Variants in RNF7 observed in about 807,000 individuals in gnomAD.
The protein encoded by RNF7 is RING-box protein 2.
In RNF7, 9 loss-of-function variants were observed where a neutral mutation model predicts 17.0. That is an observed-to-expected ratio of 0.53 (90% CI 0.32 to 0.92). The LOEUF (loss-of-function observed/expected upper bound fraction) is 0.92, where lower values mean the gene tolerates loss of function less well. RNF7 is among the 40% of genes least tolerant of loss of function. The pLI, the probability that RNF7 is intolerant of heterozygous loss-of-function variation, is 0.04. For synonymous variants in RNF7, 59 were observed against 50.5 expected, an observed-to-expected ratio of 1.17 and a Z score of -0.72; for missense variants, 87 against 145.8, an observed-to-expected ratio of 0.60 and a Z score of 2.08.
intron 1 of RNF7, among the ~76,000 whole-genome samples, chr3:141,742,048 A>C (rs747534630): frequency 6.9e-4 from 105 of 151,860 alleles, no homozygotes; most frequent in Non-Finnish European, 1.2e-3. Context: ...TACATAGATA[A>C]ACTTGTGTCA....
At chr3:141,742,189 C>A (rs986469440) in intron 1 of RNF7, among the ~76,000 whole-genome samples, 1 of 150,762 alleles carries the variant, frequency 6.6e-6, no homozygotes, top group African/African-American at 2.4e-5. Flanking sequence ...GCTATGTGGC[C>A]ATGTGTTCTC....
At chr3:141,743,044 A>G in intron 1 of RNF7, 1 of 346,652 alleles carries the variant, frequency 2.9e-6, no homozygotes, top group Non-Finnish European at 4.2e-6. Context: ...TCTCCTTCCC[A>G]TTCCAAACCC....
chr3:141,742,248 A>T (rs568175930), intron 1 of RNF7, among the ~76,000 whole-genome samples: 130 of 124,872 alleles, frequency 1.0e-3, no homozygotes, highest in African/African-American at 4.0e-3. Context: ...TTTTTTTGAG[A>T]CGGAGTCTCG....
At position 141,747,543 on chromosome 3, in the gene RNF7, T is replaced by C. The variant is rs1348585408; in HGVS notation, c.*2266T>C. On this transcript the variant is annotated 3_prime_UTR_variant, in exon 3 of 3. Coordinates refer to ENST00000273480, the MANE Select transcript of RNF7 (RefSeq NM_014245.5). ...TGTCATGAAGTGAAATTCATAAATA[T>C]ATTTCCTACACATATAATTTAAATG... 8 of 152,228 alleles carry C rather than the reference T, an allele frequency of 5.3e-5. No individual in the cohort carries two copies. The highest frequency in any genetic ancestry group is 1.9e-4 in the African/African-American group (8 of 41,454). The allele number at this position is 152,228 out of a possible 1,614,324, so 9.4% of individuals were successfully genotyped here. A position where few individuals can be genotyped will look rare whatever the true frequency, so the allele number is the denominator to read the frequency against.
chr3:141,739,249 C>G (rs547076004), intron 1 of RNF7, among the ~76,000 whole-genome samples: 152 of 152,326 alleles, frequency 1.0e-3, no homozygotes, highest in Non-Finnish European at 1.9e-3. Context: ...CATCACACCC[C>G]CCTCTCCATA....
chr3:141,738,514 TG>T lies in RNF7; in HGVS notation c.175+1del, dbSNP rs771254020. On this transcript the variant is annotated frameshift_variant and splice_region_variant, in exon 1 of 3. Transcript: ENST00000273480. LOFTEE classifies it high-confidence loss of function. ...DTCAICRVQV[M>X]DACLRCQAEN... ...TGCGCCATCTGCAGGGTCCAGGTGA[TG>T]GGTAAGCGCTGCACGCGAGTCCAGG... The T allele has an allele frequency of 6.2e-7, 1 of 1,612,240 alleles. No homozygotes were observed. Among genetic ancestry groups the T allele is most frequent in the South Asian group, 1.1e-5 (1 of 90,858 alleles).
At position 141,747,356 on chromosome 3, in the gene RNF7, T is replaced by G. The variant is rs771254398; in HGVS notation, c.*2079T>G. ...TTTCTTTCCATTTGATTAAATGTGC[T>G]GATTTTATTTTACTGTTGCATTAGA... On this transcript the variant is annotated 3_prime_UTR_variant, in exon 3 of 3. Transcript: ENST00000273480. 6.6e-6 allele frequency: 1 copy of G among 152,218 alleles called. No homozygotes were observed. The highest frequency in any genetic ancestry group is 1.5e-5 in the Non-Finnish European group (1 of 68,050). The allele number at this position is 152,218 out of a possible 1,614,324, so 9.4% of individuals were successfully genotyped here.
rs1003816413 is a variant in RNF7, at chr3:141,746,250, T to G, written c.*973T>G. ...CCTCAGCCTCCCAAAGTGCTGGGAT[T>G]ACAGGTGTGGGCCACTGCACCTGGC... On this transcript the variant is annotated 3_prime_UTR_variant, in exon 3 of 3. Coordinates refer to ENST00000273480, the MANE Select transcript of RNF7 (RefSeq NM_014245.5). 4.6e-5 allele frequency: 7 copies of G among 152,200 alleles called. No homozygotes were observed. Among genetic ancestry groups the G allele is most frequent in the African/African-American group, 1.4e-4 (6 of 41,460 alleles). The allele number at this position is 152,200 out of a possible 1,614,324, so 9.4% of individuals were successfully genotyped here.
intron 1 of RNF7, among the ~76,000 whole-genome samples, chr3:141,739,613 G>A (rs1040122211): frequency 6.6e-6 from 1 of 152,164 alleles, no homozygotes; most frequent in Non-Finnish European, 1.5e-5. Context: ...AGAACATACA[G>A]AGAATTGCTC....
At chr3:141,742,596 TC>T in intron 1 of RNF7, 1 of 1,165,252 alleles carries the variant, frequency 8.6e-7, no homozygotes, top group Non-Finnish European at 1.1e-6. Context: ...GTTTGTATCA[TC>T]CCCACTTAAT....
At chr3:141,744,592 A>G (rs2084453612) in intron 2 of RNF7, among the ~76,000 whole-genome samples, 1 of 152,196 alleles carries the variant, frequency 6.6e-6, no homozygotes, top group Non-Finnish European at 1.5e-5. Flanking sequence ...CTCTCCAGCC[A>G]GCCACTTTGA....
At position 141,738,394 on chromosome 3, in the gene RNF7, G is replaced by A. The variant is rs753995730; in HGVS notation, c.53G>A (p.Gly18Glu). The A allele has an allele frequency of 1.9e-6, 3 of 1,603,620 alleles. No individual in the cohort carries two copies. Among genetic ancestry groups the A allele is most frequent in the Non-Finnish European group, 2.6e-6 (3 of 1,175,300 alleles). ...ACCTGCGCCCTGGCCTCTCACTCCG[G>A]GAGCTCAGGCTCCAAGTCGGGAGGC... is the stretch of plus-strand genomic sequence containing the variant. ...EETCALASHSGSSGSKSGGDK... is the reference protein window; with the variant it reads ...EETCALASHSESSGSKSGGDK... Residue 18 changes from glycine (G) to glutamate (E), a missense_variant, in exon 1 of 3, where the codon GGG (glycine) becomes GAG (glutamate). Transcript: ENST00000273480.
At chr3:141,744,914 C>G (rs2084456570) in intron 2 of RNF7, among the ~76,000 whole-genome samples, 1 of 152,110 alleles carries the variant, frequency 6.6e-6, no homozygotes, top group South Asian at 2.1e-4. Context: ...TGTGTAGGAA[C>G]TAGGGGTCAT....
chr3:141,742,941 G>T, intron 1 of RNF7: 1 of 1,020,464 alleles, frequency 9.8e-7, no homozygotes, highest in Non-Finnish European at 1.2e-6. Flanking sequence ...ACTTGTTTAT[G>T]AAGCAATTTT....
At chr3:141,739,831 C>T (rs1204351774) in intron 1 of RNF7, among the ~76,000 whole-genome samples, 1 of 151,930 alleles carries the variant, frequency 6.6e-6, no homozygotes, top group African/African-American at 2.4e-5. Flanking sequence ...AGTTTGAGAC[C>T]AGCCTAGGCA....
chr3:141,741,756 C>T (rs1287826575), intron 1 of RNF7, among the ~76,000 whole-genome samples: 1 of 152,048 alleles, frequency 6.6e-6, no homozygotes, highest in African/African-American at 2.4e-5. Flanking sequence ...TTTACACCTA[C>T]TCCACTATAT....
intron 1 of RNF7, among the ~76,000 whole-genome samples, chr3:141,742,296 G>A (rs1372759187): frequency 2.1e-5 from 3 of 145,066 alleles, no homozygotes; most frequent in African/African-American, 5.1e-5. Context: ...GCGCTATCTC[G>A]GCTCACTGCA....
intron 1 of RNF7, among the ~76,000 whole-genome samples, chr3:141,741,590 C>T (rs2084417953): frequency 6.6e-6 from 1 of 152,206 alleles, no homozygotes; most frequent in Non-Finnish European, 1.5e-5. Context: ...TTGGTTCAAA[C>T]TTCCTTTTAC....
Position 141,746,358 on chromosome 3 carries a change from T to A in RNF7, c.*1081T>A, listed in dbSNP as rs1377423600. 1.3e-5 allele frequency: 2 copies of A among 152,130 alleles called. No homozygotes were observed. Among genetic ancestry groups the A allele is most frequent in the Non-Finnish European group, 2.9e-5 (2 of 68,032 alleles). 9.4% of individuals were successfully genotyped at this position (152,130 alleles called of 1,614,324 possible). ...CCAGTGTAGCATTGGATCAAAAAGT[T>A]TATCACACAGTGTTTTAATAAATGG... On this transcript the variant is annotated 3_prime_UTR_variant, in exon 3 of 3. Transcript: ENST00000273480.
Sources: allele counts gnomAD v4.1 joint callset (sites outside exome capture counted in the v4.1 genomes callset), GRCh38; gene constraint gnomAD v4.1.1; transcripts MANE v1.5; gene names NCBI Gene and HGNC (gene_info 2026-07-23, HGNC 2026-07-21).